SLC26A4: variants seen among roughly 807,000 people sequenced by gnomAD.
SLC26A4 encodes solute carrier family 26 member 4, also known as pendrin.
A neutral mutation model predicts 90.4 loss-of-function variants in SLC26A4; 93 were observed. The ratio of observed to expected loss-of-function variants is 1.03; its 90% CI spans 0.87 to 1.22. The LOEUF is 1.22. SLC26A4 is among the 50% of genes most tolerant of loss of function. The pLI, the probability that SLC26A4 is intolerant of heterozygous loss-of-function variation, is 0.00. For missense variants in SLC26A4, 1,127 were observed against 946.2 expected, an observed-to-expected ratio of 1.19 and a Z score of -2.51; for synonymous variants, 393 against 354.6, an observed-to-expected ratio of 1.11 and a Z score of -1.22.
rs781249015 is a variant in SLC26A4, at chr7:107,689,005, G to A, written c.1002-48G>A. ...TAGCATTTGATGAGATGGGGAAAAA[G>A]GATGGTGGTCAAATCTTCACAGCAT... On this transcript the variant is annotated intron_variant, in intron 8 of 20. Transcript: ENST00000644269. 52 of 1,604,704 alleles carry A rather than the reference G, an allele frequency of 3.2e-5. No homozygotes were observed. In the East Asian group the frequency reaches 1.2e-3, roughly 36 times the overall value.
chr7:107,706,188 G>A (rs1199511727), intron 18 of SLC26A4, among the ~76,000 whole-genome samples: 2 of 152,166 alleles, frequency 1.3e-5, no homozygotes, highest in Non-Finnish European at 1.5e-5. Flanking sequence ...GACGATCATG[G>A]TAGACCAATT....
chr7:107,695,910 T>C (rs1791727574), intron 12 of SLC26A4, 23 bp from the exon 13 acceptor site: 2 of 1,202,842 alleles, frequency 1.7e-6, no homozygotes, highest in East Asian at 4.6e-5. Flanking sequence ...TATAATTCTT[T>C]TCATTTCTAT....
At chr7:107,680,115 T>C (rs1161658685) in intron 6 of SLC26A4, among the ~76,000 whole-genome samples, 1 of 123,452 alleles carries the variant, frequency 8.1e-6, no homozygotes, top group Non-Finnish European at 1.5e-5. Context: ...TATTATATAA[T>C]ATAATCTTAT....
At position 107,661,377 on chromosome 7, in the gene SLC26A4, G is replaced by C. The variant is rs1431956570; in HGVS notation, c.-3-262G>C. The C allele has an allele frequency of 5.2e-6, 3 of 577,616 alleles. No homozygotes were observed. The highest frequency in any genetic ancestry group is 6.0e-5 in the Admixed American group (2 of 33,188). The allele number at this position is 577,616 out of a possible 1,614,324, so 35.8% of individuals were successfully genotyped here. ...AAGCCCCCAGAGCAGGGGCTTACTC[G>C]CTTCAAGTTTGGGGAACCCCGGGCA... On this transcript the variant is annotated intron_variant, in intron 1 of 20. Transcript: ENST00000644269. The surrounding 1 kb of genome is among the most constrained non-coding windows in gnomAD (Gnocchi z 5.1).
At chr7:107,677,121 G>A (rs1049672155) in intron 6 of SLC26A4, among the ~76,000 whole-genome samples, 1 of 152,198 alleles carries the variant, frequency 6.6e-6, no homozygotes, top group Non-Finnish European at 1.5e-5. Flanking sequence ...AGGCTGCAGT[G>A]AGCCGAGATC....
At chr7:107,688,500 G>A (rs574083236) in intron 8 of SLC26A4, among the ~76,000 whole-genome samples, 1 of 152,156 alleles carries the variant, frequency 6.6e-6, no homozygotes, top group Non-Finnish European at 1.5e-5. Context: ...AGATATTTTA[G>A]TCACTATGGA....
At chr7:107,710,028 CA>C (rs1468151611) in intron 18 of SLC26A4, 25 bp from the exon 19 acceptor site, 2 of 1,607,884 alleles carry the variant, frequency 1.2e-6, no homozygotes, top group South Asian at 2.2e-5. Flanking sequence ...TAGGAACTAA[CA>C]AAACATTGTG....
intron 10 of SLC26A4, chr7:107,693,780 C>A: frequency 1.1e-6 from 1 of 910,172 alleles, no homozygotes; most frequent in Non-Finnish European, 1.3e-6. Flanking sequence ...TGGGGCAAAG[C>A]TCTGAGCCTG....
At chr7:107,697,619 G>A (rs1298120577) in intron 13 of SLC26A4, among the ~76,000 whole-genome samples, 3 of 152,190 alleles carry the variant, frequency 2.0e-5, no homozygotes, top group Non-Finnish European at 4.4e-5. Flanking sequence ...AGACCCAGGG[G>A]TTAAAGACAG....
rs56009300 is a variant in SLC26A4, at chr7:107,717,365, CAAAAAAAAAAAAAAAA to C, written c.*1929_*1944del. 1 of 73,572 alleles carries C rather than the reference CAAAAAAAAAAAAAAAA, an allele frequency of 1.4e-5. No individual in the cohort carries two copies. Among genetic ancestry groups the C allele is most frequent in the Non-Finnish European group, 2.4e-5 (1 of 41,298 alleles). 4.6% of individuals were successfully genotyped at this position (73,572 alleles called of 1,614,324 possible). On this transcript the variant is annotated 3_prime_UTR_variant, in exon 21 of 21. Transcript: ENST00000644269. ...TGGGCGACAGAGCAAGACTCCGTCTCAAAAAAAAAAAAAAAAAAAAAAAAAGAGTGAATGTAATAGT... is the reference window on the plus strand; with the variant it reads ...TGGGCGACAGAGCAAGACTCCGTCTCAAAAAAAAAGAGTGAATGTAATAGT...
chr7:107,713,909 GTAT>G (rs34694220), intron 20 of SLC26A4, among the ~76,000 whole-genome samples: 75,797 of 148,868 alleles, frequency 0.51, 19,828 homozygotes, highest in African/African-American at 0.64. Flanking sequence ...ATTATTATTA[GTAT>G]TATTATTATT....
rs1448003622 is a variant in SLC26A4 at position 107,675,575 on chromosome 7, T to C, written c.765+466T>C. Among the ~76,000 whole-genome samples the C allele has an allele frequency of 5.0e-3, 453 of 91,484 alleles. 1 individual carries two copies. The highest frequency in any genetic ancestry group is 0.018 in the African/African-American group (422 of 23,190). The allele number at this position is 91,484 out of a possible 152,430, so 60.0% of individuals were successfully genotyped here. A position where few individuals can be genotyped will look rare whatever the true frequency, so the allele number is the denominator to read the frequency against. ...GCACCCACATTTCTTTCTTTCTTTC[T>C]TTTTTTTTTTTTTTTTGAGACAGAG... is the stretch of plus-strand genomic sequence containing the variant. On this transcript the variant is annotated intron_variant, in intron 6 of 20. Transcript: ENST00000644269.
chr7:107,675,628 C>A (rs1477743544), intron 6 of SLC26A4, among the ~76,000 whole-genome samples: 1 of 141,952 alleles, frequency 7.0e-6, no homozygotes, highest in Non-Finnish European at 1.5e-5. Context: ...GGCTGGAGTG[C>A]AGTGGCATGA....
chr7:107,693,566 A>C, intron 10 of SLC26A4: 3 of 985,232 alleles, frequency 3.0e-6, no homozygotes, highest in Non-Finnish European at 3.6e-6. Context: ...TCTAATCTTC[A>C]TCTTGGCTCT....
chr7:107,663,466 C>A, intron 3 of SLC26A4, 31 bp downstream of exon 3: 2 of 1,613,112 alleles, frequency 1.2e-6, no homozygotes, highest in South Asian at 2.2e-5. Flanking sequence ...GAGTTCTGGT[C>A]TCCAGCAGGA....
chr7:107,682,989 T>C (rs151109923), intron 6 of SLC26A4, among the ~76,000 whole-genome samples: 2 of 152,258 alleles, frequency 1.3e-5, no homozygotes, highest in East Asian at 1.9e-4. Context: ...TTGGTGTATA[T>C]ATATATTGCA....
At chr7:107,690,562 G>A (rs1312393167) in intron 10 of SLC26A4, among the ~76,000 whole-genome samples, 9 of 152,090 alleles carry the variant, frequency 5.9e-5, no homozygotes, top group Non-Finnish European at 8.8e-5. Context: ...TTGTTACCTG[G>A]GGAGACAGAT....
chr7:107,686,294 A>G (rs942620512), intron 8 of SLC26A4, among the ~76,000 whole-genome samples: 2 of 106,952 alleles, frequency 1.9e-5, no homozygotes, highest in Non-Finnish European at 3.8e-5. Flanking sequence ...TCCCTTTCCT[A>G]CCTTCCCTCC....
In SLC26A4 at chr7:107,716,805, A is replaced by T. The variant is rs925079727; in HGVS notation, c.*1359A>T. On this transcript the variant is annotated 3_prime_UTR_variant, in exon 21 of 21. Transcript: ENST00000644269. ...GTATACTCCAGGGATTGGTTTCAGG[A>T]CCCCTGCATTTACCAAAATTTGTGC... is the stretch of plus-strand genomic sequence containing the variant. 3.9e-5 allele frequency: 6 copies of T among 152,080 alleles called. No homozygotes were observed. Among genetic ancestry groups the T allele is most frequent in the Admixed American group, 3.3e-4 (5 of 15,262 alleles). The allele number at this position is 152,080 out of a possible 1,614,324, so 9.4% of individuals were successfully genotyped here.
Sources: allele counts gnomAD v4.1 joint callset (sites outside exome capture counted in the v4.1 genomes callset), GRCh38; gene constraint gnomAD v4.1.1; non-coding constraint Gnocchi (gnomAD v3.1); transcripts MANE v1.5; gene names NCBI Gene and HGNC (gene_info 2026-07-23, HGNC 2026-07-21).